NBEA: variants seen among roughly 807,000 people sequenced by gnomAD.
NBEA encodes neurobeachin.
A neutral mutation model predicts 343.4 loss-of-function variants in NBEA; 44 were observed. The ratio of observed to expected loss-of-function variants is 0.13; its 90% CI spans 0.10 to 0.16. NBEA has a LOEUF of 0.16. Ranked by LOEUF, NBEA falls within the 10% of genes least tolerant of loss-of-function variation. The probability of loss-of-function intolerance (pLI) is 1.00; values close to 1 mark genes in which losing one functional copy is unlikely to be tolerated. For synonymous variants in NBEA, 1,175 were observed against 1,238.7 expected (o/e 0.95, Z 1.08); for missense variants, 2,555 against 3,631.3 (o/e 0.70, Z 7.62).
chr13:35,278,494 A>T (rs1013397613), intron 34 of NBEA, among the ~76,000 whole-genome samples: 3 of 152,204 alleles, frequency 2.0e-5, no homozygotes, highest in African/African-American at 7.2e-5. Context: ...AACCCCGTGA[A>T]CTCACAAAAA....
intron 33 of NBEA, among the ~76,000 whole-genome samples, chr13:35,217,962 T>C (rs2074155794): frequency 6.6e-6 from 1 of 152,116 alleles, no homozygotes; most frequent in Non-Finnish European, 1.5e-5. Flanking sequence ...CTTCATAGCT[T>C]CCTCCTCTCA....
intron 1 of NBEA, among the ~76,000 whole-genome samples, chr13:34,961,701 T>G (rs1037502975): frequency 1.9e-4 from 29 of 152,034 alleles, no homozygotes; most frequent in Non-Finnish European, 4.0e-4. Context: ...CAATGAGATG[T>G]GTAAATTCTA....
At chr13:35,412,939 C>G (rs2043679871) in intron 38 of NBEA, among the ~76,000 whole-genome samples, 2 of 152,068 alleles carry the variant, frequency 1.3e-5, no homozygotes, top group South Asian at 4.1e-4. Context: ...TAGTACCTAT[C>G]TCAAAGGGAT....
intron 45 of NBEA, among the ~76,000 whole-genome samples, chr13:35,580,037 A>G (rs1024872397): frequency 1.3e-5 from 2 of 152,112 alleles, no homozygotes; most frequent in East Asian, 3.8e-4. Flanking sequence ...TCAATATTGG[A>G]AACAGTGCCT....
At chr13:35,541,758 GTGTA>G (rs933363655) in intron 41 of NBEA, among the ~76,000 whole-genome samples, 5 of 148,180 alleles carry the variant, frequency 3.4e-5, no homozygotes, top group East Asian at 4.1e-4. Flanking sequence ...GTGTGTGTGT[GTGTA>G]TGTGTTTGTG....
chr13:35,568,822 T>G (rs1276577010), intron 45 of NBEA, among the ~76,000 whole-genome samples: 1 of 152,184 alleles, frequency 6.6e-6, no homozygotes, highest in Non-Finnish European at 1.5e-5. Context: ...TTTGGGGCAT[T>G]TGAGATTTCA....
At chr13:35,149,552 T>A (rs1319509087) in intron 18 of NBEA, among the ~76,000 whole-genome samples, 1 of 152,194 alleles carries the variant, frequency 6.6e-6, no homozygotes, top group Non-Finnish European at 1.5e-5. Context: ...ATTAAAATCC[T>A]CCTCTGAATC....
Position 35,352,174 on chromosome 13 carries a change from T to C in NBEA, c.6030T>C (p.Tyr2010=). The C allele has an allele frequency of 1.3e-6, 2 of 1,498,450 alleles. No individual in the cohort carries two copies. The highest frequency in any genetic ancestry group is 1.8e-6 in the Non-Finnish European group (2 of 1,115,848). 92.8% of individuals were successfully genotyped at this position (1,498,450 alleles called of 1,614,324 possible). Residue 2010 remains tyrosine (Y), a synonymous_variant, in exon 38 of 59, where the codon TAT becomes TAC. Coordinates refer to ENST00000379939, the MANE Select transcript of NBEA (RefSeq NM_001385012.1). ...CTTTATAGTCACAGTGTGCCCAATA[T>C]GCTGCTGATAGAAGAGAGGAAGAAA... is the stretch of plus-strand genomic sequence containing the variant. ...HAEFESQCAQ[Y]AADRREEEKM... is the part of the protein sequence containing the mutation.
intron 38 of NBEA, among the ~76,000 whole-genome samples, chr13:35,398,788 G>A (rs1288793246): frequency 6.6e-6 from 1 of 151,690 alleles, no homozygotes; most frequent in African/African-American, 2.4e-5. Flanking sequence ...TTTTTTGAAT[G>A]GTCAATGAGC....
chr13:34,962,217 A>G (rs1462122075), intron 1 of NBEA, among the ~76,000 whole-genome samples: 1 of 152,098 alleles, frequency 6.6e-6, no homozygotes, highest in East Asian at 1.9e-4. Flanking sequence ...CATTAGAAGT[A>G]TAGAAAGAAA....
chr13:35,099,045 A>ATTTTT (rs2065485904), intron 11 of NBEA, among the ~76,000 whole-genome samples: 1 of 96,264 alleles, frequency 1.0e-5, no homozygotes, highest in African/African-American at 4.2e-5. Flanking sequence ...TTTTTTTTTG[A>ATTTTT]GACAGTGTCT....
chr13:35,519,074 CA>C (rs1404574027), intron 41 of NBEA, among the ~76,000 whole-genome samples: 3 of 152,208 alleles, frequency 2.0e-5, no homozygotes, highest in African/African-American at 7.2e-5. Flanking sequence ...GCCTTTCAAG[CA>C]ATCTCTCAGA....
In NBEA at chr13:34,968,311, G is replaced by A. The variant is rs148884530; in HGVS notation, c.294+25197G>A. On this transcript the variant is annotated intron_variant, in intron 1 of 58. Coordinates refer to ENST00000379939, the MANE Select transcript of NBEA (RefSeq NM_001385012.1). ...GGCCTGATTTATGGGCCACGTAATT[G>A]AACTCAAGTACCAGCCTTATATTCA... Among the ~76,000 whole-genome samples, 179 of 152,166 alleles carry A rather than the reference G, an allele frequency of 1.2e-3. 1 individual carries two copies. Among genetic ancestry groups the A allele is most frequent in the Admixed American group, 7.6e-3 (116 of 15,262 alleles).
At chr13:35,158,334 CTT>C (rs963998706) in intron 21 of NBEA, among the ~76,000 whole-genome samples, 1 of 151,924 alleles carries the variant, frequency 6.6e-6, no homozygotes, top group African/African-American at 2.4e-5. Context: ...ATTAGAAAAG[CTT>C]TTGTTTCAAT....
At chr13:35,631,462 C>G (rs1350423636) in intron 49 of NBEA, among the ~76,000 whole-genome samples, 1 of 151,742 alleles carries the variant, frequency 6.6e-6, no homozygotes, top group East Asian at 1.9e-4. Context: ...TAATGTTTAT[C>G]TTAGTATTTT....
rs571264540 is a variant in NBEA at position 35,070,986 on chromosome 13, A to G, written c.1571+134A>G. On this transcript the variant is annotated intron_variant, in intron 10 of 58. Coordinates refer to ENST00000379939, the MANE Select transcript of NBEA (RefSeq NM_001385012.1). ...AAAGTGTAATAAAAAATTTTTTAGA[A>G]CTAATGGAGATAGATATTTATACAA... 492 of 873,806 alleles carry G rather than the reference A, an allele frequency of 5.6e-4. 3 individuals carry two copies. The African/African-American group carries it at 7.8e-3, about 14-fold the overall frequency. 54.1% of individuals were successfully genotyped at this position (873,806 alleles called of 1,614,324 possible).
chr13:35,549,820 A>T (rs1266498150), intron 41 of NBEA, among the ~76,000 whole-genome samples: 1 of 152,250 alleles, frequency 6.6e-6, no homozygotes, highest in Admixed American at 6.5e-5. Flanking sequence ...TAACATTGTC[A>T]GGACTGGCTT....
chr13:35,475,081 G>A, intron 41 of NBEA: 1 of 1,612,280 alleles, frequency 6.2e-7, no homozygotes, highest in Non-Finnish European at 8.5e-7. Context: ...CAAACTTTTC[G>A]GGTTGGTCAG....
chr13:35,519,923 C>T (rs930943618), intron 41 of NBEA, among the ~76,000 whole-genome samples: 4 of 151,574 alleles, frequency 2.6e-5, no homozygotes, highest in African/African-American at 9.8e-5. Context: ...TTTATCCCCA[C>T]ACCTCCTTCC....
Sources: allele counts gnomAD v4.1 joint callset (sites outside exome capture counted in the v4.1 genomes callset), GRCh38; gene constraint gnomAD v4.1.1; transcripts MANE v1.5; gene names NCBI Gene and HGNC (gene_info 2026-07-23, HGNC 2026-07-21).